ROBO1: variants seen among roughly 807,000 people sequenced by gnomAD.
The protein encoded by ROBO1 is roundabout guidance receptor 1.
Under a neutral mutation model 195.9 loss-of-function variants are expected in ROBO1, and 149 were observed. The ratio of observed to expected loss-of-function variants is 0.76; its 90% CI spans 0.67 to 0.87. The LOEUF is 0.87. Ranked by LOEUF, ROBO1 falls within the 40% of genes least tolerant of loss-of-function variation. The pLI, the probability that ROBO1 is intolerant of heterozygous loss-of-function variation, is 0.00. For synonymous variants in ROBO1, 816 were observed against 733.2 expected (o/e 1.11, Z -1.82); for missense variants, 1,933 against 2,068.3 (o/e 0.93, Z 1.27).
At chr3:78,830,543 C>T (rs189350275) in intron 4 of ROBO1, among the ~76,000 whole-genome samples, 46 of 152,198 alleles carry the variant, frequency 3.0e-4, no homozygotes, top group Middle Eastern at 3.4e-3. Context: ...CTTCACATGG[C>T]GACAGGAAGG....
intron 1 of ROBO1, among the ~76,000 whole-genome samples, chr3:79,716,673 A>G (rs1702501503): frequency 6.6e-6 from 1 of 151,996 alleles, no homozygotes. Flanking sequence ...ATGACCTGAT[A>G]CCAACTATGT....
intron 3 of ROBO1, among the ~76,000 whole-genome samples, chr3:79,097,123 AG>A (rs2079584969): frequency 6.6e-6 from 1 of 151,912 alleles, no homozygotes; most frequent in Non-Finnish European, 1.5e-5. Flanking sequence ...GAATACTAAA[AG>A]CATGGCATAA....
intron 4 of ROBO1, among the ~76,000 whole-genome samples, chr3:78,858,227 C>T (rs1040851389): frequency 2.0e-5 from 3 of 151,910 alleles, no homozygotes; most frequent in African/African-American, 7.3e-5. Context: ...TTACAGGACA[C>T]ACCACAGGAA....
At chr3:78,693,837 G>A (rs1315617585) in intron 8 of ROBO1, among the ~76,000 whole-genome samples, 1 of 152,122 alleles carries the variant, frequency 6.6e-6, no homozygotes, top group Admixed American at 6.5e-5. Context: ...AATATTCTAT[G>A]AAACTGAAAT....
intron 2 of ROBO1, among the ~76,000 whole-genome samples, chr3:79,526,048 A>C (rs1941420574): frequency 6.6e-6 from 1 of 152,210 alleles, no homozygotes; most frequent in African/African-American, 2.4e-5. Flanking sequence ...TAATTTCCAA[A>C]GTACATTCAT....
intron 2 of ROBO1, among the ~76,000 whole-genome samples, chr3:79,359,976 A>G (rs919804515): frequency 1.3e-5 from 2 of 152,052 alleles, no homozygotes; most frequent in Admixed American, 1.3e-4. Context: ...ATCACCAGAT[A>G]AAAGAAGAAA....
At chr3:78,952,020 A>G (rs1041367911) in intron 3 of ROBO1, among the ~76,000 whole-genome samples, 3 of 151,648 alleles carry the variant, frequency 2.0e-5, no homozygotes, top group Non-Finnish European at 4.4e-5. Context: ...TTTTTCTATC[A>G]TGACATTAAT....
intron 8 of ROBO1, among the ~76,000 whole-genome samples, chr3:78,700,084 C>G (rs2081386498): frequency 6.6e-6 from 1 of 152,080 alleles, no homozygotes; most frequent in Admixed American, 6.6e-5. Context: ...ATTTTGTTTG[C>G]CATTATTTCT....
chr3:79,207,269 A>G (rs933297057), intron 2 of ROBO1, among the ~76,000 whole-genome samples: 1 of 152,202 alleles, frequency 6.6e-6, no homozygotes, highest in Non-Finnish European at 1.5e-5. Flanking sequence ...ATTTTCCAAA[A>G]TCATTAGTAG....
chr3:78,804,308 T>G (rs1168289150), intron 4 of ROBO1, among the ~76,000 whole-genome samples: 5 of 152,186 alleles, frequency 3.3e-5, no homozygotes, highest in African/African-American at 9.7e-5. Context: ...GCTCTGATTT[T>G]TTTTTCTCCA....
At chr3:78,903,527 G>A (rs1053032484) in intron 4 of ROBO1, among the ~76,000 whole-genome samples, 5 of 149,732 alleles carry the variant, frequency 3.3e-5, no homozygotes, top group Non-Finnish European at 7.4e-5. Context: ...TACTTTAATA[G>A]AAAACTGGGA....
chr3:79,147,863 A>G (rs1354722567), intron 2 of ROBO1, among the ~76,000 whole-genome samples: 2 of 151,928 alleles, frequency 1.3e-5, no homozygotes, highest in South Asian at 2.1e-4. Flanking sequence ...AAACAGCTAT[A>G]CGTAAAACCA....
intron 5 of ROBO1, among the ~76,000 whole-genome samples, chr3:78,726,816 C>G (rs1170130564): frequency 6.6e-6 from 1 of 152,122 alleles, no homozygotes; most frequent in Non-Finnish European, 1.5e-5. Flanking sequence ...CTAAGGACTC[C>G]TTTCAACAGA....
intron 2 of ROBO1, among the ~76,000 whole-genome samples, chr3:79,525,736 G>C (rs982170623): frequency 2.0e-5 from 3 of 151,400 alleles, no homozygotes; most frequent in African/African-American, 7.3e-5. Context: ...CTCCTGAGTG[G>C]CTGGGATTAC....
intron 2 of ROBO1, among the ~76,000 whole-genome samples, chr3:79,415,013 C>A (rs1039771819): frequency 1.1e-4 from 16 of 152,170 alleles, no homozygotes; most frequent in African/African-American, 3.9e-4. Context: ...TGCAAACTCA[C>A]TCTGGTCTGA....
intron 2 of ROBO1, among the ~76,000 whole-genome samples, chr3:79,185,855 A>G (rs2081428661): frequency 6.6e-6 from 1 of 152,142 alleles, no homozygotes; most frequent in Non-Finnish European, 1.5e-5. Flanking sequence ...CAGATTATAG[A>G]ATTCATAATA....
intron 4 of ROBO1, among the ~76,000 whole-genome samples, chr3:78,887,869 G>C (rs2036655639): frequency 6.6e-6 from 1 of 152,002 alleles, no homozygotes; most frequent in South Asian, 2.1e-4. Context: ...TTCAGCAGTT[G>C]TGGTTTCTGT....
At chr3:79,534,686 A>G (rs1265346664) in intron 2 of ROBO1, among the ~76,000 whole-genome samples, 1 of 152,190 alleles carries the variant, frequency 6.6e-6, no homozygotes, top group Non-Finnish European at 1.5e-5. Context: ...TTCAAGGTTC[A>G]GTCCTCAGCC....
intron 2 of ROBO1, among the ~76,000 whole-genome samples, chr3:79,557,895 G>A (rs1942771531): frequency 6.6e-6 from 1 of 151,690 alleles, no homozygotes; most frequent in Non-Finnish European, 1.5e-5. Context: ...AAACATGTCT[G>A]TTAAATCTCA....
Sources: allele counts gnomAD v4.1 joint callset (sites outside exome capture counted in the v4.1 genomes callset), GRCh38; gene constraint gnomAD v4.1.1; transcripts MANE v1.5; gene names NCBI Gene and HGNC (gene_info 2026-07-23, HGNC 2026-07-21).